The following SLC12A8 variants were observed in gnomAD, a reference collection of about 807,000 sequenced individuals.
The protein encoded by SLC12A8 is solute carrier family 12 member 8, also known as cation-chloride cotransporter 9.
Under a neutral mutation model 75.6 loss-of-function variants are expected in SLC12A8, and 69 were observed. The observed-to-expected ratio is 0.91, with a 90% CI of 0.75 to 1.11. The LOEUF is 1.11. SLC12A8 is among the 50% of genes most tolerant of loss of function. The pLI is 0.00. For missense variants in SLC12A8, 877 were observed against 896.7 expected (o/e 0.98, Z 0.28); for synonymous variants, 365 against 372.8 (o/e 0.98, Z 0.24).
chr3:125,120,767 G>A, intron 6 of SLC12A8, 81 bp from the exon 7 acceptor site: 1 of 1,035,672 alleles, frequency 9.7e-7, no homozygotes, highest in Non-Finnish European at 1.5e-6. Context: ...TTCCTCTCCT[G>A]CGGGACCCTC....
intron 5 of SLC12A8, among the ~76,000 whole-genome samples, chr3:125,142,816 C>A (rs1933681333): frequency 6.6e-6 from 1 of 152,202 alleles, no homozygotes; most frequent in Admixed American, 6.5e-5. Flanking sequence ...CAGCCAGAAG[C>A]CCACTCTCAG....
chr3:125,165,657 C>T (rs1934269358), intron 5 of SLC12A8, among the ~76,000 whole-genome samples: 1 of 152,232 alleles, frequency 6.6e-6, no homozygotes, highest in South Asian at 2.1e-4. Context: ...ATGGATGAGC[C>T]ATCCTCACCC....
intron 2 of SLC12A8, among the ~76,000 whole-genome samples, chr3:125,193,318 C>T (rs149175536): frequency 2.0e-4 from 30 of 152,202 alleles, no homozygotes; most frequent in African/African-American, 5.5e-4. Context: ...TGCAGTGAGC[C>T]GAGATTGCAC....
chr3:125,090,702 A>T (rs560897589), intron 12 of SLC12A8, among the ~76,000 whole-genome samples: 16 of 152,262 alleles, frequency 1.1e-4, no homozygotes, highest in African/African-American at 3.6e-4. Context: ...TCTTTTCTCC[A>T]AACTCTACTT....
In SLC12A8 at chr3:125,083,112, G is replaced by A. The variant is rs1319979302; in HGVS notation, c.*778C>T. On this transcript the variant is annotated 3_prime_UTR_variant, in exon 14 of 14. Coordinates refer to ENST00000469902, the MANE Select transcript of SLC12A8 (RefSeq NM_024628.6). Reference sequence around the variant, plus strand: ...CAGGGTAGACAGGAACTGAGCAGGTGGAGAATAAGGATTGGAGGGAGACTT... The same window carrying A: ...CAGGGTAGACAGGAACTGAGCAGGTAGAGAATAAGGATTGGAGGGAGACTT... The A allele has an allele frequency of 1.3e-5, 2 of 152,170 alleles. No individual in the cohort carries two copies. Among genetic ancestry groups the A allele is most frequent in the Admixed American group, 6.5e-5 (1 of 15,276 alleles). The allele number at this position is 152,170 out of a possible 1,614,324, so 9.4% of individuals were successfully genotyped here.
At chr3:125,159,118 A>G (rs912790965) in intron 5 of SLC12A8, among the ~76,000 whole-genome samples, 3 of 152,248 alleles carry the variant, frequency 2.0e-5, no homozygotes, top group Non-Finnish European at 2.9e-5. Flanking sequence ...TGGAGAGGAA[A>G]TAATAAAATT....
chr3:125,126,050 CT>C, intron 6 of SLC12A8: 1 of 309,790 alleles, frequency 3.2e-6, no homozygotes, highest in South Asian at 1.3e-4. Flanking sequence ...TTTTTTCTCC[CT>C]GCATCACAAC....
intron 2 of SLC12A8, among the ~76,000 whole-genome samples, chr3:125,199,030 G>A (rs896445962): frequency 5.3e-5 from 8 of 152,084 alleles, no homozygotes; most frequent in East Asian, 1.9e-4. Context: ...CACCCTCCTT[G>A]GCCTCCCAAA....
intron 4 of SLC12A8, among the ~76,000 whole-genome samples, chr3:125,186,453 G>T (rs975961864): frequency 6.6e-6 from 1 of 152,114 alleles, no homozygotes; most frequent in Admixed American, 6.5e-5. Context: ...GCTTTCTCTG[G>T]GGAGATTCTT....
At chr3:125,200,383 A>G (rs1459229816) in intron 2 of SLC12A8, among the ~76,000 whole-genome samples, 1 of 152,316 alleles carries the variant, frequency 6.6e-6, no homozygotes, top group East Asian at 1.9e-4. Flanking sequence ...TGGGAGGTTA[A>G]GGCTCCAGTG....
At chr3:125,102,403 A>C (rs1176086252) in intron 10 of SLC12A8, among the ~76,000 whole-genome samples, 1 of 152,172 alleles carries the variant, frequency 6.6e-6, no homozygotes. Context: ...ATTGCGAAGA[A>C]CCTTGCATCG....
chr3:125,147,959 G>A (rs997829560), intron 5 of SLC12A8, among the ~76,000 whole-genome samples: 1 of 152,146 alleles, frequency 6.6e-6, no homozygotes, highest in African/African-American at 2.4e-5. Flanking sequence ...ATGACACTAG[G>A]CCTCTTATAA....
intron 5 of SLC12A8, among the ~76,000 whole-genome samples, chr3:125,157,738 G>A (rs905434471): frequency 2.0e-5 from 3 of 152,106 alleles, no homozygotes; most frequent in African/African-American, 4.8e-5. Context: ...GGGTACACTC[G>A]CATCACCCTC....
At chr3:125,165,903 G>T (rs775880784) in intron 5 of SLC12A8, among the ~76,000 whole-genome samples, 15 of 152,078 alleles carry the variant, frequency 9.9e-5, no homozygotes, top group Non-Finnish European at 2.1e-4. Context: ...GGAGATTCTG[G>T]GTGTGTTTCT....
chr3:125,115,876 C>T (rs933370866), intron 8 of SLC12A8, among the ~76,000 whole-genome samples: 5 of 152,106 alleles, frequency 3.3e-5, no homozygotes, highest in Admixed American at 1.3e-4. Flanking sequence ...AGAGATGCGC[C>T]GGCTCAGAAC....
At chr3:125,159,740 C>T (rs1305503765) in intron 5 of SLC12A8, among the ~76,000 whole-genome samples, 5 of 152,190 alleles carry the variant, frequency 3.3e-5, no homozygotes, top group Admixed American at 1.3e-4. Flanking sequence ...CAATGAGGAG[C>T]TTAGAGGAAA....
intron 4 of SLC12A8, among the ~76,000 whole-genome samples, chr3:125,186,986 C>T (rs1310960980): frequency 6.6e-6 from 1 of 152,238 alleles, no homozygotes; most frequent in East Asian, 1.9e-4. Flanking sequence ...GCTGGCCAGG[C>T]CCTGCCCTGC....
chr3:125,120,965 G>T (rs992946536), intron 6 of SLC12A8: 92 of 669,210 alleles, frequency 1.4e-4, no homozygotes, highest in East Asian at 5.4e-4. Flanking sequence ...AGCAACCAGG[G>T]GGGAGGAAAG....
At chr3:125,199,703 G>A (rs1431072719) in intron 2 of SLC12A8, among the ~76,000 whole-genome samples, 1 of 151,990 alleles carries the variant, frequency 6.6e-6, no homozygotes, top group South Asian at 2.1e-4. Flanking sequence ...CTATGCTCAC[G>A]CCACTGCACT....
Sources: gnomAD v4.1 joint callset for allele counts (sites outside exome capture counted in the v4.1 genomes callset) on GRCh38, gnomAD v4.1.1 for gene constraint, MANE v1.5 for transcripts, NCBI Gene and HGNC (gene_info 2026-07-23, HGNC 2026-07-21) for gene names.